PTPRD: variants seen among roughly 807,000 people sequenced by gnomAD.
PTPRD encodes receptor-type tyrosine-protein phosphatase delta.
In PTPRD, 34 loss-of-function variants were observed where a neutral mutation model predicts 214.5. The ratio of observed to expected loss-of-function variants is 0.16; its 90% confidence interval spans 0.12 to 0.21. The LOEUF is 0.21. PTPRD is among the 10% of genes least tolerant of loss of function. The probability of loss-of-function intolerance (pLI) is 1.00; values close to 1 mark genes in which losing one functional copy is unlikely to be tolerated. For missense variants in PTPRD, 2,545 were observed against 2,398.7 expected (o/e 1.06, Z -1.27); for synonymous variants, 1,128 against 845.7 (o/e 1.33, Z -5.79).
chr9:8,716,284 T>C (rs1475368399), intron 12 of PTPRD, among the ~76,000 whole-genome samples: 1 of 152,230 alleles, frequency 6.6e-6, no homozygotes, highest in African/African-American at 2.4e-5. Flanking sequence ...TTTAAATGAA[T>C]AATTCATCAT....
At chr9:9,352,234 A>G (rs1207160228) in intron 9 of PTPRD, among the ~76,000 whole-genome samples, 1 of 151,674 alleles carries the variant, frequency 6.6e-6, no homozygotes, top group Admixed American at 6.6e-5. Context: ...ACTATAAAAT[A>G]ATTTATCTGT....
intron 39 of PTPRD, among the ~76,000 whole-genome samples, chr9:8,370,897 T>C (rs2081333403): frequency 6.6e-6 from 1 of 151,896 alleles, no homozygotes; most frequent in Non-Finnish European, 1.5e-5. Flanking sequence ...GCCTCTGCTG[T>C]TTTTTCTTCT....
intron 3 of PTPRD, among the ~76,000 whole-genome samples, chr9:10,248,223 G>A (rs543467427): frequency 3.2e-4 from 49 of 152,200 alleles, no homozygotes; most frequent in African/African-American, 1.2e-3. Flanking sequence ...CAAGCAGTAA[G>A]GGTTAAAGTG....
chr9:9,551,209 C>A (rs150646549), intron 8 of PTPRD, among the ~76,000 whole-genome samples: 1 of 151,794 alleles, frequency 6.6e-6, no homozygotes, highest in Non-Finnish European at 1.5e-5. Context: ...ATCAACCTGG[C>A]GCTAAATAAA....
chr9:8,323,498 T>C (rs950709555), intron 44 of PTPRD, among the ~76,000 whole-genome samples: 2 of 152,176 alleles, frequency 1.3e-5, no homozygotes, highest in Non-Finnish European at 2.9e-5. Flanking sequence ...CGGGAGAAGA[T>C]CAAATTATCA....
At chr9:8,389,967 T>C (rs75471816) in intron 36 of PTPRD, among the ~76,000 whole-genome samples, 6,080 of 152,272 alleles carry the variant, frequency 0.04, 183 homozygotes, top group Admixed American at 0.083. Flanking sequence ...TTAAAGAAAC[T>C]TGAGCAAGTT....
chr9:9,841,931 C>T (rs1050315041), intron 5 of PTPRD, among the ~76,000 whole-genome samples: 6 of 151,964 alleles, frequency 3.9e-5, no homozygotes, highest in Admixed American at 3.3e-4. Context: ...GGAAAGTACA[C>T]ATAAGTACTC....
intron 5 of PTPRD, among the ~76,000 whole-genome samples, chr9:9,897,170 A>G (rs1042115329): frequency 6.8e-6 from 1 of 146,642 alleles, no homozygotes; most frequent in African/African-American, 2.6e-5. Context: ...ACCGCTGCTA[A>G]ACACCCCCTG....
chr9:8,979,568 T>G (rs540521557), intron 11 of PTPRD, among the ~76,000 whole-genome samples: 1 of 152,188 alleles, frequency 6.6e-6, no homozygotes, highest in Admixed American at 6.6e-5. Context: ...CACTTAAAAA[T>G]GGGCAAAGGA....
chr9:8,654,423 C>T (rs1486000291), intron 12 of PTPRD, among the ~76,000 whole-genome samples: 1 of 152,118 alleles, frequency 6.6e-6, no homozygotes, highest in East Asian at 1.9e-4. Flanking sequence ...CATGCTTCCA[C>T]TAAAGTTTAT....
At chr9:9,029,216 T>C (rs1274728) in intron 10 of PTPRD, among the ~76,000 whole-genome samples, 92,394 of 151,752 alleles carry the variant, frequency 0.61, 31,518 homozygotes, top group Non-Finnish European at 0.77. Context: ...ATTTAAATTA[T>C]ATACACGGTT....
At chr9:8,860,075 G>C (rs183530330) in intron 11 of PTPRD, 1 of 152,150 alleles carries the variant, frequency 6.6e-6, no homozygotes, top group Non-Finnish European at 1.5e-5. Context: ...ACTTGGCTTT[G>C]TCATTGCCAC....
intron 3 of PTPRD, among the ~76,000 whole-genome samples, chr9:10,086,430 T>C (rs975432663): frequency 2.0e-5 from 3 of 151,720 alleles, no homozygotes; most frequent in Non-Finnish European, 4.4e-5. Context: ...CTCAGTCCCT[T>C]AAGTCCTAGT....
At chr9:9,434,723 C>A (rs1486409217) in intron 8 of PTPRD, among the ~76,000 whole-genome samples, 3 of 151,810 alleles carry the variant, frequency 2.0e-5, no homozygotes, top group African/African-American at 4.8e-5. Flanking sequence ...GTATATACAA[C>A]AAATCGTACC....
intron 12 of PTPRD, among the ~76,000 whole-genome samples, chr9:8,715,600 T>C (rs2154410313): frequency 6.6e-6 from 1 of 152,294 alleles, no homozygotes; most frequent in Non-Finnish European, 1.5e-5. Flanking sequence ...CCACACCATA[T>C]TTCTTCTAAC....
intron 12 of PTPRD, among the ~76,000 whole-genome samples, chr9:8,658,722 T>G (rs2096965590): frequency 6.6e-6 from 1 of 151,792 alleles, no homozygotes; most frequent in African/African-American, 2.4e-5. Flanking sequence ...CCTTTTTTTG[T>G]CCTTTTTTTG....
At chr9:10,062,445 A>C (rs1351775535) in intron 3 of PTPRD, among the ~76,000 whole-genome samples, 2 of 151,934 alleles carry the variant, frequency 1.3e-5, no homozygotes, top group Non-Finnish European at 2.9e-5. Context: ...GTCTCTACTA[A>C]AAATACAAAA....
chr9:10,157,941 C>T (rs72696938), intron 3 of PTPRD, among the ~76,000 whole-genome samples: 16,035 of 152,086 alleles, frequency 0.11, 1,101 homozygotes, highest in South Asian at 0.2. Context: ...CTACTAATAC[C>T]GGTGATTGCA....
chr9:8,705,768 C>G (rs996629114), intron 12 of PTPRD, among the ~76,000 whole-genome samples: 6 of 152,102 alleles, frequency 3.9e-5, no homozygotes, highest in African/African-American at 1.4e-4. Context: ...TTATTACTTA[C>G]TAGATTAAAA....
Sources: gnomAD v4.1 joint callset for allele counts (sites outside exome capture counted in the v4.1 genomes callset) on GRCh38, gnomAD v4.1.1 for gene constraint, MANE v1.5 for transcripts, NCBI Gene and HGNC (gene_info 2026-07-23, HGNC 2026-07-21) for gene names.